The following CFAP58 variants were observed in gnomAD, a reference collection of about 807,000 sequenced individuals.
CFAP58 encodes cilia and flagella associated protein 58.
CFAP58 carries 88 observed loss-of-function variants against 119.5 expected under a neutral mutation model. That is an observed-to-expected ratio of 0.74 (90% CI 0.62 to 0.88). The LOEUF (loss-of-function observed/expected upper bound fraction) is 0.88, where lower values mean the gene tolerates loss of function less well. Among genes scored for constraint, CFAP58 ranks in the 40% least tolerant of loss-of-function variants. The pLI is 0.00. For missense variants in CFAP58, 990 were observed against 1,021.2 expected (o/e 0.97, Z 0.42); for synonymous variants, 365 against 366.3 (o/e 1.00, Z 0.04).
intron 5 of CFAP58, among the ~76,000 whole-genome samples, chr10:104,366,867 A>G (rs950915951): frequency 6.6e-6 from 1 of 151,468 alleles, no homozygotes; most frequent in Non-Finnish European, 1.5e-5. Context: ...ATTTATTTTT[A>G]TTTTTATTTT....
At chr10:104,416,702 T>A (rs1387379262) in intron 15 of CFAP58, among the ~76,000 whole-genome samples, 1 of 152,208 alleles carries the variant, frequency 6.6e-6, no homozygotes, top group South Asian at 2.1e-4. Flanking sequence ...ATAGGTATTA[T>A]CTCATTTAAT....
intron 15 of CFAP58, among the ~76,000 whole-genome samples, chr10:104,444,354 A>G (rs2013081723): frequency 6.6e-6 from 1 of 152,256 alleles, no homozygotes; most frequent in South Asian, 2.1e-4. Flanking sequence ...GATATGTATT[A>G]TAAGGCAGCT....
intron 1 of CFAP58, among the ~76,000 whole-genome samples, chr10:104,358,014 T>C (rs928061736): frequency 7.7e-5 from 10 of 130,374 alleles, no homozygotes; most frequent in South Asian, 4.6e-4. Context: ...TATACACATA[T>C]ATGTACATAT....
At chr10:104,373,584 G>A (rs2014851725) in intron 7 of CFAP58, among the ~76,000 whole-genome samples, 1 of 152,134 alleles carries the variant, frequency 6.6e-6, no homozygotes, top group African/African-American at 2.4e-5. Flanking sequence ...AGTCTAGGAG[G>A]TCAAGGTTGC....
chr10:104,429,106 A>T (rs1447039735), intron 15 of CFAP58, among the ~76,000 whole-genome samples: 3 of 152,160 alleles, frequency 2.0e-5, no homozygotes, highest in Non-Finnish European at 4.4e-5. Context: ...GTGGCCAGGG[A>T]GCTGAGTGAT....
chr10:104,386,112 T>C (rs2011917090), intron 9 of CFAP58, among the ~76,000 whole-genome samples: 1 of 151,300 alleles, frequency 6.6e-6, no homozygotes, highest in Non-Finnish European at 1.5e-5. Context: ...GCATGGTGGC[T>C]CATGCCTGTA....
chr10:104,393,561 C>T (rs2012095434), intron 11 of CFAP58, 86 bp downstream of exon 11: 3 of 1,349,552 alleles, frequency 2.2e-6, no homozygotes, highest in Admixed American at 2.3e-5. Flanking sequence ...CAGCCAGGGG[C>T]AGGGAGAACA....
At position 104,357,956 on chromosome 10, in the gene CFAP58, C is replaced by T. The variant is rs1021077637; in HGVS notation, c.10-385C>T. Among the ~76,000 whole-genome samples the T allele has an allele frequency of 5.5e-5, 6 of 108,464 alleles. 1 individual carries two copies. Among genetic ancestry groups the T allele is most frequent in the Admixed American group, 8.0e-5 (1 of 12,436 alleles). 71.2% of individuals were successfully genotyped at this position (108,464 alleles called of 152,430 possible). On this transcript the variant is annotated intron_variant, in intron 1 of 17. Transcript: ENST00000369704. ...ACACACATATATGTACACATATATA[C>T]ACATATATGTACACATATGTACATA...
intron 1 of CFAP58, among the ~76,000 whole-genome samples, chr10:104,357,842 TATGTACACATATATACACATATATACAC>T (rs1564875505): frequency 1.7e-4 from 13 of 75,512 alleles, no homozygotes; most frequent in Middle Eastern, 8.8e-3. Context: ...TATGTACACA[TATGTACACATATATACACATATATACAC>T]ATATATGTAC....
Position 104,358,551 on chromosome 10 carries a change from A to T in CFAP58, c.220A>T (p.Asn74Tyr), listed in dbSNP as rs1295314300. Residue 74 changes from asparagine to tyrosine, a missense_variant, in exon 2 of 18, where the codon AAT becomes TAT. Coordinates refer to ENST00000369704, the MANE Select transcript of CFAP58 (RefSeq NM_001008723.2). ...CRELNAEIVVNSAKVATALKL... is the reference protein window; with the variant it reads ...CRELNAEIVVYSAKVATALKL... Reference sequence around the variant, plus strand: ...AGAGCTAAATGCAGAGATTGTAGTGAATTCTGCGAAGGTCGCCACTGCCCT... The same window carrying T: ...AGAGCTAAATGCAGAGATTGTAGTGTATTCTGCGAAGGTCGCCACTGCCCT... The T allele has an allele frequency of 6.2e-7, 1 of 1,614,144 alleles. No homozygotes were observed. Among genetic ancestry groups the T allele is most frequent in the East Asian group, 2.2e-5 (1 of 44,880 alleles).
chr10:104,416,524 A>G (rs2012557062), intron 15 of CFAP58, among the ~76,000 whole-genome samples: 1 of 152,204 alleles, frequency 6.6e-6, no homozygotes, highest in Non-Finnish European at 1.5e-5. Flanking sequence ...GAATGATAGG[A>G]GGGTTTGAAT....
At chr10:104,395,546 T>G (rs2012133215) in intron 11 of CFAP58, among the ~76,000 whole-genome samples, 1 of 152,232 alleles carries the variant, frequency 6.6e-6, no homozygotes, top group Non-Finnish European at 1.5e-5. Flanking sequence ...GCAATGGTGC[T>G]CCGACTGGAT....
chr10:104,374,772 C>T (rs903000949), intron 7 of CFAP58, among the ~76,000 whole-genome samples: 2 of 150,490 alleles, frequency 1.3e-5, no homozygotes, highest in Non-Finnish European at 1.5e-5. Flanking sequence ...TTAAAAATCC[C>T]CTTTGATCCA....
chr10:104,446,373 T>G (rs898031779), intron 15 of CFAP58, among the ~76,000 whole-genome samples: 5 of 152,244 alleles, frequency 3.3e-5, no homozygotes, highest in Admixed American at 3.3e-4. Flanking sequence ...CCAAATACTT[T>G]TTAAGTTGCA....
intron 11 of CFAP58, among the ~76,000 whole-genome samples, chr10:104,393,962 C>T (rs1589920142): frequency 6.6e-6 from 1 of 152,270 alleles, no homozygotes; most frequent in East Asian, 1.9e-4. Context: ...GGTGTTAGAG[C>T]TCTGTTCTCA....
intron 15 of CFAP58, among the ~76,000 whole-genome samples, chr10:104,408,967 G>A (rs1473824405): frequency 6.6e-6 from 1 of 152,040 alleles, no homozygotes; most frequent in East Asian, 1.9e-4. Context: ...AGGCGTGGGG[G>A]CGTGCACGTT....
chr10:104,428,958 A>G (rs994249314), intron 15 of CFAP58, among the ~76,000 whole-genome samples: 1 of 152,252 alleles, frequency 6.6e-6, no homozygotes, highest in African/African-American at 2.4e-5. Flanking sequence ...GACACTGTCC[A>G]GGTGTTCACA....
chr10:104,373,529 C>T (rs1026564118), intron 7 of CFAP58, among the ~76,000 whole-genome samples: 2 of 152,100 alleles, frequency 1.3e-5, no homozygotes, highest in Non-Finnish European at 2.9e-5. Context: ...TGGCACATGC[C>T]TATAGTCCCA....
At chr10:104,389,901 C>T (rs1212267810) in intron 9 of CFAP58, among the ~76,000 whole-genome samples, 1 of 152,044 alleles carries the variant, frequency 6.6e-6, no homozygotes, top group Non-Finnish European at 1.5e-5. Context: ...CATGCAGAAT[C>T]CTAAATGAAA....
Sources: gnomAD v4.1 joint callset for allele counts (sites outside exome capture counted in the v4.1 genomes callset) on GRCh38, gnomAD v4.1.1 for gene constraint, MANE v1.5 for transcripts, NCBI Gene and HGNC (gene_info 2026-07-23, HGNC 2026-07-21) for gene names.